The following UST variants were observed in gnomAD, a reference collection of about 807,000 sequenced individuals.
UST encodes the protein uronyl 2-sulfotransferase.
A neutral mutation model predicts 45.6 loss-of-function variants in UST; 21 were observed. The ratio of observed to expected loss-of-function variants is 0.46; its 90% CI spans 0.33 to 0.66. The LOEUF (loss-of-function observed/expected upper bound fraction) is 0.66. Among genes scored for constraint, UST ranks in the 30% least tolerant of loss-of-function variants. UST has a pLI of 0.02. For missense variants in UST, 463 were observed against 512.4 expected (o/e 0.90, Z 0.93); for synonymous variants, 215 against 200.6 (o/e 1.07, Z -0.61).
At chr6:149,000,399 C>A in intron 5 of UST, among the ~76,000 whole-genome samples, 1 of 151,994 alleles carries the variant, frequency 6.6e-6, no homozygotes, top group Admixed American at 6.6e-5. Context: ...CCCGGGAGTC[C>A]GGATGGTAGA....
At chr6:148,779,527 G>A (rs142154360) in intron 1 of UST, among the ~76,000 whole-genome samples, 3 of 152,262 alleles carry the variant, frequency 2.0e-5, no homozygotes, top group African/African-American at 7.2e-5. Flanking sequence ...TCCGGTCCTG[G>A]TCCTGCCTCT....
chr6:148,907,682 G>C (rs1368610215), intron 2 of UST, among the ~76,000 whole-genome samples: 4 of 152,140 alleles, frequency 2.6e-5, no homozygotes, highest in Non-Finnish European at 5.9e-5. Flanking sequence ...TCAGGTACTA[G>C]TTTCAGGGTG....
At chr6:148,788,723 G>A (rs561998734) in intron 1 of UST, among the ~76,000 whole-genome samples, 5 of 152,226 alleles carry the variant, frequency 3.3e-5, no homozygotes, top group African/African-American at 1.2e-4. Flanking sequence ...ATTGTCAAGA[G>A]AAACTCAACT....
intron 1 of UST, among the ~76,000 whole-genome samples, chr6:148,834,908 A>G: frequency 6.6e-6 from 1 of 152,354 alleles, no homozygotes; most frequent in East Asian, 1.9e-4. Flanking sequence ...ATTTAGCATG[A>G]CCTATTAATA....
At chr6:148,962,815 G>A (rs1780691506) in intron 4 of UST, among the ~76,000 whole-genome samples, 1 of 152,182 alleles carries the variant, frequency 6.6e-6, no homozygotes, top group African/African-American at 2.4e-5. Context: ...TCTCTCTGAA[G>A]ATTCTTTTTA....
intron 1 of UST, among the ~76,000 whole-genome samples, chr6:148,792,115 A>T (rs552380965): frequency 6.6e-6 from 1 of 152,156 alleles, no homozygotes; most frequent in Non-Finnish European, 1.5e-5. Context: ...AAAGGATGAG[A>T]TGGATGTCTC....
chr6:149,001,341 G>A (rs974955601), intron 5 of UST, among the ~76,000 whole-genome samples: 4 of 152,182 alleles, frequency 2.6e-5, no homozygotes, highest in Admixed American at 6.5e-5. Context: ...AAAGTGCTGG[G>A]ATTATAGGCA....
intron 1 of UST, among the ~76,000 whole-genome samples, chr6:148,754,715 A>G (rs985158880): frequency 6.6e-6 from 1 of 152,168 alleles, no homozygotes; most frequent in East Asian, 1.9e-4. Flanking sequence ...GGGAAATATG[A>G]TACTGACTTA....
intron 1 of UST, among the ~76,000 whole-genome samples, chr6:148,877,743 G>A (rs2114827981): frequency 7.0e-6 from 1 of 142,220 alleles, no homozygotes; most frequent in Non-Finnish European, 1.5e-5. Flanking sequence ...TGAGTGCAGG[G>A]GGTCGTGTAT....
At position 148,827,557 on chromosome 6, in the gene UST, A is replaced by C. The variant is rs192519980; in HGVS notation, c.248-59429A>C. Among the ~76,000 whole-genome samples, 77 of 152,142 alleles carry C rather than the reference A, an allele frequency of 5.1e-4. 2 individuals are homozygous for C. In the East Asian group the frequency reaches 0.011, roughly 23 times the overall value. ...CTTGAATCCAGGAGGTGGAGATTGCAATGAGCTGAGATCACACCACTGCAC... is the reference window on the plus strand; with the variant it reads ...CTTGAATCCAGGAGGTGGAGATTGCCATGAGCTGAGATCACACCACTGCAC... On this transcript the variant is annotated intron_variant, in intron 1 of 7. Transcript: ENST00000367463.
intron 7 of UST, among the ~76,000 whole-genome samples, chr6:149,049,962 C>CACACACACACACAG (rs574284527): frequency 2.0e-5 from 3 of 146,992 alleles, no homozygotes; most frequent in South Asian, 2.2e-4. Context: ...CACACACACA[C>CACACACACACACAG]ACACGTGGCC....
At chr6:149,019,714 C>G (rs1775952427) in intron 6 of UST, among the ~76,000 whole-genome samples, 1 of 152,176 alleles carries the variant, frequency 6.6e-6, no homozygotes, top group African/African-American at 2.4e-5. Context: ...AGTGGATATA[C>G]TTAGTAGGCA....
chr6:148,876,003 C>T (rs1263359628), intron 1 of UST, among the ~76,000 whole-genome samples: 2 of 152,116 alleles, frequency 1.3e-5, no homozygotes, highest in South Asian at 2.1e-4. Context: ...GCTGTTCTTG[C>T]ATTGCTATAA....
intron 7 of UST, among the ~76,000 whole-genome samples, chr6:149,072,810 A>T (rs1776838657): frequency 6.6e-6 from 1 of 152,220 alleles, no homozygotes; most frequent in Non-Finnish European, 1.5e-5. Context: ...TAAAGATAGA[A>T]CATGGATTAG....
chr6:149,065,219 TAAC>T (rs915416835), intron 7 of UST, among the ~76,000 whole-genome samples: 15 of 151,942 alleles, frequency 9.9e-5, no homozygotes, highest in African/African-American at 2.7e-4. Context: ...GTGGCTGAAA[TAAC>T]AACAATTATT....
At chr6:148,780,086 T>TACACACACACACACACACAA (rs1312029625) in intron 1 of UST, among the ~76,000 whole-genome samples, 2 of 142,248 alleles carry the variant, frequency 1.4e-5, no homozygotes, top group African/African-American at 5.1e-5. Context: ...TGTGTATATA[T>TACACACACACACACACACAA]ATACACACAC....
At chr6:148,928,587 G>GT (rs1247655699) in intron 2 of UST, among the ~76,000 whole-genome samples, 1 of 152,208 alleles carries the variant, frequency 6.6e-6, no homozygotes, top group Non-Finnish European at 1.5e-5. Context: ...CCAGGACCAG[G>GT]TAACAGATGA....
chr6:149,072,491 TA>T (rs1216096663), intron 7 of UST, among the ~76,000 whole-genome samples: 2 of 151,782 alleles, frequency 1.3e-5, no homozygotes, highest in African/African-American at 4.8e-5. Context: ...CCATCTCTAC[TA>T]AAAATACAAA....
chr6:149,007,463 ATTTT>A (rs11312436), intron 5 of UST, among the ~76,000 whole-genome samples: 3 of 130,766 alleles, frequency 2.3e-5, no homozygotes, highest in Non-Finnish European at 3.3e-5. Flanking sequence ...AATTTTTTGT[ATTTT>A]TTTTTTTTTT....
Sources: allele counts gnomAD v4.1 joint callset (sites outside exome capture counted in the v4.1 genomes callset), GRCh38; gene constraint gnomAD v4.1.1; transcripts MANE v1.5; gene names NCBI Gene and HGNC (gene_info 2026-07-23, HGNC 2026-07-21).